TDRP: variants seen among roughly 807,000 people sequenced by gnomAD.
TDRP encodes the protein testis development related protein, also known as testis development-related protein.
In TDRP, 12 loss-of-function variants were observed where a neutral mutation model predicts 10.5. That is an observed-to-expected ratio of 1.15 (90% confidence interval 0.73 to 1.86). The LOEUF (loss-of-function observed/expected upper bound fraction) is 1.86, where lower values mean the gene tolerates loss of function less well. TDRP is among the 40% of genes most tolerant of loss of function. The pLI, the probability that TDRP is intolerant of heterozygous loss-of-function variation, is 0.00. For synonymous variants in TDRP, 139 were observed against 95.4 expected (o/e 1.46, Z -2.67); for missense variants, 353 against 229.2 (o/e 1.54, Z -3.49).
intron 1 of TDRP, among the ~76,000 whole-genome samples, chr8:528,717 C>G (rs4520138): frequency 0.54 from 81,913 of 151,612 alleles, 22,820 homozygotes; most frequent in Admixed American, 0.63. Context: ...TATTATATGC[C>G]TGTATCAAAA....
chr8:515,894 C>CA (rs1433653715), intron 1 of TDRP, among the ~76,000 whole-genome samples: 1 of 151,634 alleles, frequency 6.6e-6, no homozygotes, highest in African/African-American at 2.4e-5. Flanking sequence ...TTAGACCTAA[C>CA]AAAAAATGGC....
At chr8:496,291 T>A (rs1801134499) in intron 1 of TDRP, among the ~76,000 whole-genome samples, 1 of 152,218 alleles carries the variant, frequency 6.6e-6, no homozygotes, top group Non-Finnish European at 1.5e-5. Flanking sequence ...GCCCATGGCA[T>A]GACAGAGCAT....
rs541619560 is a variant in TDRP at position 534,667 on chromosome 8, T to G, written c.108+9983A>C. Among the ~76,000 whole-genome samples the G allele has an allele frequency of 4.2e-4, 64 of 152,318 alleles. 1 individual carries two copies. The highest frequency in any genetic ancestry group is 1.0e-3 in the South Asian group (5 of 4,826). ...ATAGACTGCAGGAAAGACACATGCCTCAGCTGGGAAGGAGCTCGCTGGGTG... is the reference window on the plus strand; with the variant it reads ...ATAGACTGCAGGAAAGACACATGCCGCAGCTGGGAAGGAGCTCGCTGGGTG... On this transcript the variant is annotated intron_variant, in intron 1 of 2. Coordinates refer to ENST00000324079, the MANE Select transcript of TDRP (RefSeq NM_001384899.1).
At chr8:505,179 C>A (rs1164747137) in intron 1 of TDRP, among the ~76,000 whole-genome samples, 1 of 152,174 alleles carries the variant, frequency 6.6e-6, no homozygotes, top group Non-Finnish European at 1.5e-5. Context: ...CAAACGGACC[C>A]ACAGACCTAA....
At position 512,438 on chromosome 8, in the gene TDRP, A is replaced by G. The variant is rs1419540335; in HGVS notation, c.109-17841T>C. Among the ~76,000 whole-genome samples, 3 of 152,172 alleles carry G rather than the reference A, an allele frequency of 2.0e-5. No homozygotes were observed. In the East Asian group the frequency reaches 5.8e-4, roughly 29 times the overall value. ...CAGAGCAAGACTCCATCTCAACAAC[A>G]ATAAAAAAAAATCAGCAAAATTGAT... On this transcript the variant is annotated intron_variant, in intron 1 of 2. Coordinates refer to ENST00000324079, the MANE Select transcript of TDRP (RefSeq NM_001384899.1).
intron 1 of TDRP, among the ~76,000 whole-genome samples, chr8:517,955 G>C (rs1801800545): frequency 6.6e-6 from 1 of 152,174 alleles, no homozygotes; most frequent in African/African-American, 2.4e-5. Context: ...AGGGTTCAGG[G>C]GAGGGAGGGA....
chr8:526,412 C>A (rs1459894283), intron 1 of TDRP, among the ~76,000 whole-genome samples: 1 of 152,038 alleles, frequency 6.6e-6, no homozygotes, highest in Non-Finnish European at 1.5e-5. Flanking sequence ...TTTGAGCGTT[C>A]TTATTATGAA....
intron 1 of TDRP, 43 bp downstream of exon 1, chr8:544,607 C>T (rs1422191230): frequency 2.5e-6 from 3 of 1,198,556 alleles, no homozygotes; most frequent in African/African-American, 1.6e-5. Flanking sequence ...TCCACCTGCG[C>T]GCCCCCGGCC....
At chr8:537,521 G>T (rs946641899) in intron 1 of TDRP, among the ~76,000 whole-genome samples, 1 of 152,202 alleles carries the variant, frequency 6.6e-6, no homozygotes, top group African/African-American at 2.4e-5. Context: ...GCTGGATATG[G>T]ATGACTTCAT....
intron 1 of TDRP, among the ~76,000 whole-genome samples, chr8:499,824 T>C (rs1414256508): frequency 1.3e-5 from 2 of 152,150 alleles, no homozygotes; most frequent in Non-Finnish European, 2.9e-5. Context: ...GCCCTTGAGG[T>C]GGAGTTCCTG....
chr8:494,641 CAACAGA>C, intron 1 of TDRP, 44 bp from the exon 2 acceptor site: 1 of 1,548,832 alleles, frequency 6.5e-7, no homozygotes, highest in Admixed American at 1.7e-5. Flanking sequence ...TGTCATGAAT[CAACAGA>C]ATTCCGCTTT....
At position 505,421 on chromosome 8, in the gene TDRP, T is replaced by C. The variant is rs1157329873; in HGVS notation, c.109-10824A>G. 2.6e-5 allele frequency among the ~76,000 whole-genome samples: 4 copies of C among 152,212 alleles called. No homozygotes were observed. The East Asian group carries it at 5.8e-4, about 22-fold the overall frequency. ...TCCATAATATTGAAGATGTGTAAAA[T>C]TTCTCTTCTGTTTTTATAAAACTAG... On this transcript the variant is annotated intron_variant, in intron 1 of 2. Coordinates refer to ENST00000324079, the MANE Select transcript of TDRP (RefSeq NM_001384899.1).
At chr8:508,869 A>G (rs1329641319) in intron 1 of TDRP, among the ~76,000 whole-genome samples, 1 of 152,180 alleles carries the variant, frequency 6.6e-6, no homozygotes, top group Non-Finnish European at 1.5e-5. Flanking sequence ...GTAAAATCAA[A>G]AGCAAGCTAG....
chr8:525,653 A>C (rs1250278915), intron 1 of TDRP, among the ~76,000 whole-genome samples: 1 of 152,178 alleles, frequency 6.6e-6, no homozygotes, highest in Non-Finnish European at 1.5e-5. Flanking sequence ...ATTATTTGCA[A>C]GCCTCATGGT....
chr8:520,753 C>G (rs949394930), intron 1 of TDRP, among the ~76,000 whole-genome samples: 1 of 152,176 alleles, frequency 6.6e-6, no homozygotes, highest in East Asian at 1.9e-4. Flanking sequence ...TGTGCACCAA[C>G]GTCTACTCAA....
rs1490454286 is a variant in TDRP at position 544,646 on chromosome 8, T to C, written c.108+4A>G. 8.1e-7 allele frequency: 1 copy of C among 1,230,346 alleles called. No homozygotes were observed. Among genetic ancestry groups the C allele is most frequent in the South Asian group, 3.7e-5 (1 of 26,974 alleles). The allele number at this position is 1,230,346 out of a possible 1,614,324, so 76.2% of individuals were successfully genotyped here. On this transcript the variant is annotated splice_donor_region_variant and intron_variant, in intron 1 of 2. Coordinates refer to ENST00000324079, the MANE Select transcript of TDRP (RefSeq NM_001384899.1). ...TAGCACTCCCCACCTGCGCACCCCC[T>C]CACCTGCGCCTGGGCGGCGGCGGCG...
chr8:527,579 T>C (rs916832919), intron 1 of TDRP, among the ~76,000 whole-genome samples: 6 of 150,974 alleles, frequency 4.0e-5, no homozygotes, highest in Admixed American at 1.3e-4. Context: ...TGAAAGAGAA[T>C]AGAGAACCCA....
At chr8:530,444 G>C (rs192561548) in intron 1 of TDRP, among the ~76,000 whole-genome samples, 4 of 152,028 alleles carry the variant, frequency 2.6e-5, no homozygotes, top group East Asian at 1.9e-4. Context: ...CTGGGATTTG[G>C]GGTATCTGAA....
chr8:544,255 G>T (rs1802576581), intron 1 of TDRP, among the ~76,000 whole-genome samples: 1 of 151,932 alleles, frequency 6.6e-6, no homozygotes, highest in African/African-American at 2.4e-5. Flanking sequence ...AGCACCCGGC[G>T]TGGACCTCTG....
Sources: allele counts gnomAD v4.1 joint callset (sites outside exome capture counted in the v4.1 genomes callset), GRCh38; gene constraint gnomAD v4.1.1; transcripts MANE v1.5; gene names NCBI Gene and HGNC (gene_info 2026-07-23, HGNC 2026-07-21).